The following SEC31A variants were observed in gnomAD, a reference collection of about 807,000 sequenced individuals.
The protein encoded by SEC31A is protein transport protein Sec31A.
Under a neutral mutation model 151.0 loss-of-function variants are expected in SEC31A, and 70 were observed. That is an observed-to-expected ratio of 0.46 (90% CI 0.38 to 0.57). The LOEUF (loss-of-function observed/expected upper bound fraction) is 0.57, where lower values mean the gene tolerates loss of function less well. Ranked by LOEUF, SEC31A falls within the 20% of genes least tolerant of loss-of-function variation. The pLI is 0.00. For synonymous variants in SEC31A, 475 were observed against 505.9 expected, an observed-to-expected ratio of 0.94 and a Z score of 0.82; for missense variants, 1,330 against 1,471.2, an observed-to-expected ratio of 0.90 and a Z score of 1.57.
At chr4:82,851,651 T>C (rs1302771613) in intron 18 of SEC31A, 47 bp from the exon 19 acceptor site, 12 of 1,489,076 alleles carry the variant, frequency 8.1e-6, no homozygotes, top group Non-Finnish European at 1.0e-5. Flanking sequence ...AGACCATGTA[T>C]GAGAGGAAGC....
intron 22 of SEC31A, among the ~76,000 whole-genome samples, chr4:82,832,604 A>G (rs1194432887): frequency 1.3e-5 from 2 of 152,246 alleles, no homozygotes; most frequent in Non-Finnish European, 2.9e-5. Flanking sequence ...AACTATCATC[A>G]GAGTGAAAAG....
Position 82,874,723 on chromosome 4 carries a change from C to T in SEC31A, c.527G>A (p.Trp176Ter). 1 of 1,611,290 alleles carries T rather than the reference C, an allele frequency of 6.2e-7. No homozygotes were observed. Among genetic ancestry groups the T allele is most frequent in the South Asian group, 1.1e-5 (1 of 90,346 alleles). ...QPPEDISCIAWNRQVQHILAS... is the reference protein window; with the variant it reads ...QPPEDISCIA ...TAAAATATGCTGAACTTGTCTGTTC[C>T]ATGCAATGCAGCTGATATCTTCTGG... Residue 176 changes from tryptophan to a stop codon, truncating the protein, a stop_gained, in exon 6 of 27, where the codon TGG becomes TAG. Coordinates refer to ENST00000395310, the MANE Select transcript of SEC31A (RefSeq NM_001077207.4). LOFTEE classifies it high-confidence loss of function.
chr4:82,893,360 T>C (rs1234884379), upstream of SEC31A: 1 of 152,234 alleles, frequency 6.6e-6, no homozygotes, highest in Non-Finnish European at 1.5e-5. Context: ...TGAGCCTCCA[T>C]GCCCATTTGA....
intron 22 of SEC31A, among the ~76,000 whole-genome samples, chr4:82,840,348 A>G (rs1455864573): frequency 6.6e-6 from 1 of 152,154 alleles, no homozygotes; most frequent in African/African-American, 2.4e-5. Context: ...TTCTTACCCA[A>G]CTACCGAGAA....
At chr4:82,839,368 C>T (rs896697892) in intron 22 of SEC31A, among the ~76,000 whole-genome samples, 9 of 151,974 alleles carry the variant, frequency 5.9e-5, no homozygotes, top group African/African-American at 2.2e-4. Context: ...CCAGGCTGGT[C>T]TTGAACTCCT....
chr4:82,865,218 G>A (rs4336217), intron 10 of SEC31A, among the ~76,000 whole-genome samples: 101,914 of 151,938 alleles, frequency 0.67, 36,922 homozygotes, highest in Non-Finnish European at 0.8. Flanking sequence ...AATTAGGCAA[G>A]GTATCAGCAA....
chr4:82,858,542 CAAAAAAAAAAAAAAAA>C (rs201988682), intron 14 of SEC31A, among the ~76,000 whole-genome samples: 4 of 62,946 alleles, frequency 6.4e-5, no homozygotes, highest in Admixed American at 2.3e-4. Context: ...GACTCTGTCT[CAAAAAAAAAAAAAAAA>C]AAAAAAAAAA....
At chr4:82,857,158 TTAAA>T (rs1732853960) in intron 15 of SEC31A, 28 bp from the exon 16 acceptor site, 3 of 1,594,814 alleles carry the variant, frequency 1.9e-6, no homozygotes, top group Non-Finnish European at 2.6e-6. Context: ...TACATCCAAG[TTAAA>T]TAGAGTTTTT....
intron 1 of SEC31A, among the ~76,000 whole-genome samples, chr4:82,883,822 A>G (rs11936483): frequency 0.25 from 37,566 of 150,414 alleles, 5,228 homozygotes; most frequent in East Asian, 0.49. Context: ...GAGTGAGACC[A>G]TGACTCAAAA....
chr4:82,835,490 T>C (rs1320565174), intron 22 of SEC31A, among the ~76,000 whole-genome samples: 1 of 152,138 alleles, frequency 6.6e-6, no homozygotes. Context: ...AAATGGTTCA[T>C]GGTGTAATAT....
At chr4:82,858,757 C>T (rs1397992859) in intron 14 of SEC31A, among the ~76,000 whole-genome samples, 1 of 151,036 alleles carries the variant, frequency 6.6e-6, no homozygotes, top group Non-Finnish European at 1.5e-5. Context: ...GGCTGGAGTG[C>T]AGTGGCGCAC....
At chr4:82,848,618 TGAGA>T (rs544293790) in intron 20 of SEC31A, among the ~76,000 whole-genome samples, 182 bp downstream of exon 20, 1 of 152,166 alleles carries the variant, frequency 6.6e-6, no homozygotes, top group Non-Finnish European at 1.5e-5. Flanking sequence ...TTTGACTAAA[TGAGA>T]GAGATGATTT....
rs1319916693 is a variant in SEC31A at position 82,891,109 on chromosome 4, CG to C, written c.-27del. 2.0e-6 allele frequency: 3 copies of C among 1,535,866 alleles called. No individual in the cohort carries two copies. The African/African-American group carries it at 4.1e-5, about 21-fold the overall frequency. On this transcript the variant is annotated 5_prime_UTR_variant, in exon 1 of 27. Transcript: ENST00000395310. ...GCACCTGGCGAGGACCTTCGGCAGC[CG>C]GATCCTGCGTTAGTGCAGCGCTCGT...
At chr4:82,888,570 T>TC (rs1210698343) in intron 1 of SEC31A, among the ~76,000 whole-genome samples, 1 of 151,346 alleles carries the variant, frequency 6.6e-6, no homozygotes, top group Non-Finnish European at 1.5e-5. Flanking sequence ...CGGCCAGTAG[T>TC]CCCCGCTACT....
At chr4:82,891,308 C>T (rs1282911630), upstream of SEC31A, 2 of 925,432 alleles carry the variant, frequency 2.2e-6, no homozygotes, top group African/African-American at 1.7e-5. Flanking sequence ...CCGGGACCGG[C>T]GGTAGCCTGG....
At chr4:82,890,241 G>A (rs939301688) in intron 1 of SEC31A, among the ~76,000 whole-genome samples, 3 of 145,660 alleles carry the variant, frequency 2.1e-5, no homozygotes, top group Non-Finnish European at 4.5e-5. Context: ...GTAAGCTTTT[G>A]CCAACTCTTG....
intron 1 of SEC31A, among the ~76,000 whole-genome samples, chr4:82,884,081 G>C (rs1740057365): frequency 6.6e-6 from 1 of 150,662 alleles, no homozygotes; most frequent in African/African-American, 2.4e-5. Context: ...TCTGCCTCCG[G>C]GTTCAAGCGA....
At chr4:82,868,538 A>G (rs552372063) in intron 8 of SEC31A, among the ~76,000 whole-genome samples, 7 of 152,114 alleles carry the variant, frequency 4.6e-5, no homozygotes, top group Admixed American at 2.0e-4. Context: ...TAAATAAATA[A>G]ATAGAAAATG....
intron 22 of SEC31A, chr4:82,831,266 TA>T (rs1020689079): frequency 1.2e-5 from 2 of 160,390 alleles, no homozygotes; most frequent in African/African-American, 4.8e-5. Context: ...CCTTCATATT[TA>T]AAATAACAAT....
Sources: allele counts gnomAD v4.1 joint callset (sites outside exome capture counted in the v4.1 genomes callset), GRCh38; gene constraint gnomAD v4.1.1; transcripts MANE v1.5; gene names NCBI Gene and HGNC (gene_info 2026-07-23, HGNC 2026-07-21).